ALG8: variants seen among roughly 807,000 people sequenced by gnomAD.
The protein encoded by ALG8 is dolichyl pyrophosphate Glc1Man9GlcNAc2 alpha-1,3-glucosyltransferase.
A neutral mutation model predicts 70.2 loss-of-function variants in ALG8; 48 were observed. The observed-to-expected ratio is 0.68, with a 90% CI of 0.54 to 0.87. ALG8 has a LOEUF of 0.87. ALG8 is among the 40% of genes least tolerant of loss of function. The pLI is 0.00. For synonymous variants in ALG8, 234 were observed against 229.0 expected, an observed-to-expected ratio of 1.02 and a Z score of -0.20; for missense variants, 572 against 608.7, an observed-to-expected ratio of 0.94 and a Z score of 0.64.
intron 1 of ALG8, chr11:78,138,644 A>T (rs1861655057): frequency 8.9e-6 from 4 of 448,778 alleles, no homozygotes; most frequent in Admixed American, 4.8e-5. Context: ...GATGAGGGAG[A>T]AAAAGAAAAA....
chr11:78,137,102 T>C (rs988673332), intron 1 of ALG8: 2 of 152,200 alleles, frequency 1.3e-5, no homozygotes, highest in African/African-American at 4.8e-5. Context: ...GATTTCTCCA[T>C]GTTGGTCCTC....
Position 78,104,357 on chromosome 11 carries a change from T to C in ALG8, c.1275A>G (p.Pro425=). ...YSLFPLLFTA[P]ELPIKILLML... is the part of the protein sequence containing the mutation. The stretch of plus-strand genomic sequence containing the variant: ...TTTTTCTCAGAAGACGCTGTTTACC[T>C]GGTGCAGTGAAGAGCAGAGGAAAGA... Residue 425 remains proline, a splice_region_variant and synonymous_variant, in exon 11 of 13, where the codon CCA becomes CCG. Transcript: ENST00000299626. 6.3e-7 allele frequency: 1 copy of C among 1,586,186 alleles called. No individual in the cohort carries two copies. The highest frequency in any genetic ancestry group is 8.6e-7 in the Non-Finnish European group (1 of 1,166,260).
At chr11:78,139,305 G>C (rs764447281) in intron 1 of ALG8, 189 bp downstream of exon 1, 37 of 640,326 alleles carry the variant, frequency 5.8e-5, no homozygotes, top group Middle Eastern at 2.8e-4. Flanking sequence ...ACAGCGCCAG[G>C]TCTGAACCTA....
intron 1 of ALG8, among the ~76,000 whole-genome samples, chr11:78,132,982 G>A (rs763615947): frequency 4.6e-5 from 7 of 151,594 alleles, no homozygotes; most frequent in Non-Finnish European, 1.5e-5. Flanking sequence ...GACTACACGC[G>A]CCCACCACCA....
At chr11:78,127,284 AT>A in intron 2 of ALG8, 73 bp downstream of exon 2, 1 of 1,390,992 alleles carries the variant, frequency 7.2e-7, no homozygotes, top group Non-Finnish European at 1.0e-6. Flanking sequence ...GCCAGAAAAC[AT>A]TTTTAATATC....
intron 3 of ALG8, 22 bp from the exon 4 acceptor site, chr11:78,121,196 G>T: frequency 6.6e-7 from 1 of 1,520,350 alleles, no homozygotes; most frequent in Non-Finnish European, 9.1e-7. Flanking sequence ...CATTAGGAAA[G>T]AAACAGAAAC....
chr11:78,101,048 A>C lies in ALG8; in HGVS notation c.1497T>G (p.Cys499Trp). 1 of 1,614,252 alleles carries C rather than the reference A, an allele frequency of 6.2e-7. No individual in the cohort carries two copies. Residue 499 changes from cysteine (C) to tryptophan (W), a missense_variant, in exon 13 of 13, where the codon TGT becomes TGG. Transcript: ENST00000299626. ...ACCAAGCATATGTGATGCCTACTGC[A>C]CAATACACTGAGGTTAGTAACAAAG... is the stretch of plus-strand genomic sequence containing the variant. The part of the protein sequence containing the change: ...FIPLLLTSVY[C>W]AVGITYAWFK...
chr11:78,106,387 T>TG (rs1860031029), intron 10 of ALG8, among the ~76,000 whole-genome samples: 2 of 152,056 alleles, frequency 1.3e-5, no homozygotes. Flanking sequence ...TTAGTAGAGA[T>TG]GGGGTTTCAC....
At chr11:78,108,157 G>A (rs548284633) in intron 9 of ALG8, among the ~76,000 whole-genome samples, 1 of 152,138 alleles carries the variant, frequency 6.6e-6, no homozygotes, top group African/African-American at 2.4e-5. Flanking sequence ...GTGCATGCCT[G>A]TAGTTCCAGC....
intron 10 of ALG8, 102 bp from the exon 11 acceptor site, chr11:78,104,555 G>A: frequency 1.9e-6 from 2 of 1,061,930 alleles, no homozygotes; most frequent in Admixed American, 2.3e-5. Context: ...CTGAGGCATA[G>A]AAGAACATGC....
At chr11:78,137,970 C>T (rs1821731181) in intron 1 of ALG8, among the ~76,000 whole-genome samples, 1 of 152,016 alleles carries the variant, frequency 6.6e-6, no homozygotes, top group Non-Finnish European at 1.5e-5. Context: ...AAGCAAAGTA[C>T]AAAAAATGAG....
At position 78,139,555 on chromosome 11, in the gene ALG8, TGCCA is replaced by T; in HGVS notation, c.30_33del (p.Gly11IlefsTer10). 1 of 1,561,676 alleles carries T rather than the reference TGCCA, an allele frequency of 6.4e-7. No individual in the cohort carries two copies. The highest frequency in any genetic ancestry group is 8.7e-7 in the Non-Finnish European group (1 of 1,152,446). On this transcript the variant is annotated frameshift_variant, in exon 1 of 13. Transcript: ENST00000299626. LOFTEE classifies it high-confidence loss of function. ...CCGAGCGCCAAAGCCGAAAACCAAT[TGCCA>T]GTACCCGTGGCAATTGTGAGCGCCG... is the stretch of plus-strand genomic sequence containing the variant.
At chr11:78,115,894 G>A (rs1427203203) in intron 5 of ALG8, among the ~76,000 whole-genome samples, 4 of 152,108 alleles carry the variant, frequency 2.6e-5, no homozygotes, top group Non-Finnish European at 5.9e-5. Flanking sequence ...TCCAAAGAAG[G>A]GCTGGGAATG....
intron 1 of ALG8, among the ~76,000 whole-genome samples, chr11:78,136,076 G>A (rs1400503759): frequency 6.6e-6 from 1 of 151,902 alleles, no homozygotes; most frequent in Non-Finnish European, 1.5e-5. Context: ...GAGCTGAGAT[G>A]GGAGGATTGT....
chr11:78,125,808 A>G (rs1626648), intron 2 of ALG8, among the ~76,000 whole-genome samples: 1 of 151,740 alleles, frequency 6.6e-6, no homozygotes, highest in Non-Finnish European at 1.5e-5. Context: ...CTTCGTCTCA[A>G]AAGAAAAGAA....
At chr11:78,126,101 G>A (rs1182272513) in intron 2 of ALG8, among the ~76,000 whole-genome samples, 2 of 152,098 alleles carry the variant, frequency 1.3e-5, no homozygotes, top group East Asian at 1.9e-4. Flanking sequence ...GGAGCTTGCA[G>A]TGAGCAGAGA....
At chr11:78,132,544 C>A (rs1013256877) in intron 1 of ALG8, among the ~76,000 whole-genome samples, 3 of 152,192 alleles carry the variant, frequency 2.0e-5, no homozygotes, top group Admixed American at 1.3e-4. Context: ...TTTCCAATTT[C>A]ACTGTGCATG....
chr11:78,115,541 C>T (rs987760979), intron 5 of ALG8, among the ~76,000 whole-genome samples: 12 of 151,612 alleles, frequency 7.9e-5, no homozygotes, highest in African/African-American at 2.7e-4. Flanking sequence ...CACCACCACG[C>T]CTGGCTAATT....
At chr11:78,133,637 C>G (rs1432565199) in intron 1 of ALG8, 6 of 152,268 alleles carry the variant, frequency 3.9e-5, no homozygotes, top group African/African-American at 1.4e-4. Flanking sequence ...CGCGGTGGCT[C>G]ACGCCTGTAA....
Sources: allele counts gnomAD v4.1 joint callset (sites outside exome capture counted in the v4.1 genomes callset), GRCh38; gene constraint gnomAD v4.1.1; transcripts MANE v1.5; gene names NCBI Gene and HGNC (gene_info 2026-07-23, HGNC 2026-07-21).